The following MED27 variants were observed in gnomAD, a reference collection of about 807,000 sequenced individuals.
MED27 encodes the protein mediator complex subunit 27.
A neutral mutation model predicts 38.2 loss-of-function variants in MED27; 30 were observed. That is an observed-to-expected ratio of 0.79 (90% confidence interval 0.59 to 1.07). MED27 has a LOEUF of 1.07. MED27 is among the 50% of genes least tolerant of loss of function. The pLI, the probability that MED27 is intolerant of heterozygous loss-of-function variation, is 0.00. For missense variants in MED27, 289 were observed against 397.5 expected (o/e 0.73, Z 2.32); for synonymous variants, 122 against 153.5 (o/e 0.79, Z 1.52).
At chr9:131,942,066 C>A (rs948599587) in intron 3 of MED27, among the ~76,000 whole-genome samples, 2 of 152,080 alleles carry the variant, frequency 1.3e-5, no homozygotes, top group Non-Finnish European at 2.9e-5. Context: ...ACCTTGTGAT[C>A]TGCCCACCTT....
chr9:131,903,890 GC>G (rs1322936110), intron 4 of MED27, among the ~76,000 whole-genome samples: 1 of 72,540 alleles, frequency 1.4e-5, no homozygotes, highest in Non-Finnish European at 2.6e-5. Flanking sequence ...ACCACACACA[GC>G]TTTTTTTTTT....
At chr9:132,075,635 G>A (rs1176808546) in intron 2 of MED27, among the ~76,000 whole-genome samples, 1 of 152,152 alleles carries the variant, frequency 6.6e-6, no homozygotes, top group Non-Finnish European at 1.5e-5. Context: ...AAAGTTCAGT[G>A]TCATCACTTC....
At chr9:131,930,872 T>C (rs1457847915) in intron 4 of MED27, among the ~76,000 whole-genome samples, 5 of 152,046 alleles carry the variant, frequency 3.3e-5, no homozygotes, top group Non-Finnish European at 7.4e-5. Context: ...CATGAAAAAG[T>C]GTAGAGTTAT....
chr9:132,043,067 AT>A (rs1833254451), intron 2 of MED27, among the ~76,000 whole-genome samples: 1 of 152,184 alleles, frequency 6.6e-6, no homozygotes, highest in Non-Finnish European at 1.5e-5. Context: ...CTTCCCCAAA[AT>A]TTAAATGACT....
In MED27 at chr9:131,940,065, C is replaced by T. The variant is rs755281174; in HGVS notation, c.480-591G>A. Among the ~76,000 whole-genome samples the T allele has an allele frequency of 4.1e-4, 63 of 152,074 alleles. 1 individual carries two copies. Among genetic ancestry groups the T allele is most frequent in the Admixed American group, 2.6e-3 (40 of 15,284 alleles). On this transcript the variant is annotated intron_variant, in intron 3 of 7. Coordinates refer to ENST00000292035, the MANE Select transcript of MED27 (RefSeq NM_004269.4). ...GGGACTACAGGCGATCCCCACCACA[C>T]CTGGCTACTTTTTATATTTTTAGTA...
intron 2 of MED27, among the ~76,000 whole-genome samples, chr9:132,063,705 A>G (rs1374267092): frequency 6.6e-6 from 1 of 152,160 alleles, no homozygotes; most frequent in East Asian, 1.9e-4. Flanking sequence ...ATCCAAACTG[A>G]GTGTGAAGGG....
chr9:131,972,741 C>T lies in MED27; in HGVS notation c.480-33267G>A, dbSNP rs1831507919. ...GAAAAGAACTGTTATACCAAAAAGG[C>T]TAATCCCAACACAGAGTAACCTACA... On this transcript the variant is annotated intron_variant, in intron 3 of 7. Transcript: ENST00000292035. 2.0e-5 allele frequency among the ~76,000 whole-genome samples: 3 copies of T among 152,162 alleles called. No homozygotes were observed. The South Asian group carries it at 6.2e-4, about 32-fold the overall frequency.
intron 2 of MED27, among the ~76,000 whole-genome samples, chr9:132,069,141 C>T (rs1466804355): frequency 6.6e-6 from 1 of 152,168 alleles, no homozygotes; most frequent in African/African-American, 2.4e-5. Context: ...GGACAAACCA[C>T]ACAAACCTGA....
intron 3 of MED27, among the ~76,000 whole-genome samples, chr9:131,960,213 T>C (rs1831186975): frequency 1.3e-5 from 2 of 152,220 alleles, no homozygotes; most frequent in South Asian, 2.1e-4. Flanking sequence ...AATATAAGCA[T>C]GCAGGTCTTC....
chr9:132,041,951 T>C (rs1011277806), intron 2 of MED27, among the ~76,000 whole-genome samples: 2 of 152,224 alleles, frequency 1.3e-5, no homozygotes, highest in African/African-American at 4.8e-5. Context: ...TGGCAGTTGA[T>C]GGATCTTGAG....
chr9:131,974,830 A>T (rs778205170), intron 3 of MED27, among the ~76,000 whole-genome samples: 2 of 152,178 alleles, frequency 1.3e-5, no homozygotes, highest in Non-Finnish European at 2.9e-5. Flanking sequence ...AGTATCCTCC[A>T]TCTGTCACTT....
intron 2 of MED27, among the ~76,000 whole-genome samples, chr9:132,033,254 T>C (rs570042324): frequency 1.3e-5 from 2 of 152,306 alleles, no homozygotes; most frequent in South Asian, 4.1e-4. Flanking sequence ...TAAGAAAAGA[T>C]CACATACAAT....
At chr9:132,008,413 T>C (rs1832409179) in intron 3 of MED27, among the ~76,000 whole-genome samples, 1 of 152,192 alleles carries the variant, frequency 6.6e-6, no homozygotes, top group Non-Finnish European at 1.5e-5. Flanking sequence ...ATAGCACCCC[T>C]TGTGCAAAAA....
chr9:131,882,238 A>AG lies in MED27; in HGVS notation c.723+1819dup, dbSNP rs1839060921. 3.3e-5 allele frequency among the ~76,000 whole-genome samples: 5 copies of AG among 152,262 alleles called. No homozygotes were observed. In the South Asian group the frequency reaches 1.0e-3, roughly 32 times the overall value. On this transcript the variant is annotated intron_variant, in intron 6 of 7. Transcript: ENST00000292035. Reference sequence around the variant, plus strand: ...AGCCCTTATCACCAAAAAGGGGCCCAGGGGGCACTGTGGATTATGTACAGT... The same window carrying AG: ...AGCCCTTATCACCAAAAAGGGGCCCAGGGGGGCACTGTGGATTATGTACAGT...
intron 6 of MED27, among the ~76,000 whole-genome samples, chr9:131,876,365 T>G (rs1014701245): frequency 1.3e-5 from 2 of 152,142 alleles, no homozygotes; most frequent in Non-Finnish European, 1.5e-5. Flanking sequence ...TGGCCCAGGC[T>G]TTCCTGGTTC....
chr9:131,874,647 T>C, intron 6 of MED27, among the ~76,000 whole-genome samples: 1 of 152,070 alleles, frequency 6.6e-6, no homozygotes, highest in Non-Finnish European at 1.5e-5. Flanking sequence ...CTTTCCAGGG[T>C]CCTGACCGCC....
At chr9:131,880,726 T>C (rs1171186454) in intron 6 of MED27, among the ~76,000 whole-genome samples, 2 of 151,086 alleles carry the variant, frequency 1.3e-5, no homozygotes, top group Admixed American at 6.6e-5. Context: ...TGCTTCAGAG[T>C]GTGTTTGTAA....
intron 2 of MED27, among the ~76,000 whole-genome samples, chr9:132,048,759 G>A (rs1254974528): frequency 6.6e-6 from 1 of 152,210 alleles, no homozygotes; most frequent in Non-Finnish European, 1.5e-5. Flanking sequence ...CATCACGGGG[G>A]TGGCGGGCAG....
chr9:132,049,806 C>G (rs1206841266), intron 2 of MED27, among the ~76,000 whole-genome samples: 1 of 152,152 alleles, frequency 6.6e-6, no homozygotes, highest in Non-Finnish European at 1.5e-5. Context: ...ACCACACATT[C>G]AGCTCTCAGA....
Sources: gnomAD v4.1 joint callset for allele counts (sites outside exome capture counted in the v4.1 genomes callset) on GRCh38, gnomAD v4.1.1 for gene constraint, MANE v1.5 for transcripts, NCBI Gene and HGNC (gene_info 2026-07-23, HGNC 2026-07-21) for gene names.